Variants in BMPER observed in about 807,000 individuals in gnomAD.
The protein encoded by BMPER is BMP-binding endothelial regulator protein.
Under a neutral mutation model 87.3 loss-of-function variants are expected in BMPER, and 45 were observed. That is an observed-to-expected ratio of 0.52 (90% CI 0.41 to 0.66). BMPER has a LOEUF of 0.66. Ranked by LOEUF, BMPER falls within the 30% of genes least tolerant of loss-of-function variation. The pLI is 0.00. For synonymous variants in BMPER, 326 were observed against 316.2 expected (o/e 1.03, Z -0.33); for missense variants, 784 against 867.5 (o/e 0.90, Z 1.21).
intron 13 of BMPER, among the ~76,000 whole-genome samples, chr7:34,105,655 A>G (rs571831650): frequency 6.6e-6 from 1 of 152,334 alleles, no homozygotes; most frequent in South Asian, 2.1e-4. Context: ...AGACAGTTTA[A>G]TGTACAAGTG....
intron 13 of BMPER, among the ~76,000 whole-genome samples, chr7:34,135,270 G>T (rs186717027): frequency 6.6e-6 from 1 of 152,126 alleles, no homozygotes; most frequent in East Asian, 1.9e-4. Context: ...TTGACAAGCC[G>T]GGAAGCAAGC....
chr7:34,078,765 AAGGCTTCCCCTTACCC>A, intron 11 of BMPER, 76 bp from the exon 12 acceptor site: 1 of 1,349,358 alleles, frequency 7.4e-7, no homozygotes, highest in Non-Finnish European at 1.1e-6. Context: ...CATTTCTGCT[AAGGCTTCCCCTTACCC>A]AGCAGGTGCC....
chr7:34,072,731 G>A (rs1209378075), intron 11 of BMPER, among the ~76,000 whole-genome samples: 2 of 152,158 alleles, frequency 1.3e-5, no homozygotes, highest in Non-Finnish European at 2.9e-5. Flanking sequence ...GGACATGTTT[G>A]GGGGTCCATT....
chr7:33,905,203 T>G (rs960916119), upstream of BMPER: 1 of 299,098 alleles, frequency 3.3e-6, no homozygotes, highest in East Asian at 9.6e-5. Flanking sequence ...CCCGAAACAG[T>G]AGCGGCAGCC....
At chr7:33,990,428 G>A (rs1237856023) in intron 6 of BMPER, among the ~76,000 whole-genome samples, 82 of 138,982 alleles carry the variant, frequency 5.9e-4, no homozygotes, top group African/African-American at 2.0e-3. Context: ...TCTGTTGTTG[G>A]TGTGTAAGAA....
rs1054537982 is a variant in BMPER at position 34,124,272 on chromosome 7, T to G, written c.1746-18958T>G. ...CTCAGCTTCCTCTGTGCAGCCAAAG[T>G]GATTTTGAAAATTAATTTTCTTCCA... is the stretch of plus-strand genomic sequence containing the variant. On this transcript the variant is annotated intron_variant, in intron 13 of 14. Transcript: ENST00000649409. Among the ~76,000 whole-genome samples the G allele has an allele frequency of 3.3e-5, 5 of 152,180 alleles. 1 individual carries two copies. The highest frequency in any genetic ancestry group is 1.2e-4 in the African/African-American group (5 of 41,464).
chr7:34,058,258 G>C, intron 10 of BMPER, 95 bp downstream of exon 10: 1 of 1,175,098 alleles, frequency 8.5e-7, no homozygotes, highest in South Asian at 1.3e-5. Flanking sequence ...ACAGACTCCA[G>C]CTCCCCCAAA....
chr7:33,985,226 TTGATA>T (rs1362366386), intron 6 of BMPER, among the ~76,000 whole-genome samples: 4 of 152,254 alleles, frequency 2.6e-5, no homozygotes, highest in African/African-American at 9.6e-5. Flanking sequence ...TTAATATGAT[TTGATA>T]TATTTCCTTC....
In BMPER at chr7:33,921,665, C is replaced by G. The variant is rs1471899367; in HGVS notation, c.219+14762C>G. On this transcript the variant is annotated intron_variant, in intron 2 of 14. Coordinates refer to ENST00000649409, the MANE Select transcript of BMPER (RefSeq NM_001365308.1). ...GCTGACCCGCTGGGCTGCTGCCAGT[C>G]TCTTCATGGGATGGATTCCCACAGG... is the stretch of plus-strand genomic sequence containing the variant. The G allele has an allele frequency of 1.8e-5, 8 of 452,694 alleles. No homozygotes were observed. The Admixed American group carries it at 1.9e-4, about 11-fold the overall frequency. The allele number at this position is 452,694 out of a possible 1,614,324, so 28.0% of individuals were successfully genotyped here. A position where few individuals can be genotyped will look rare whatever the true frequency, so the allele number is the denominator to read the frequency against.
chr7:33,916,865 T>TC (rs71554118), intron 2 of BMPER, among the ~76,000 whole-genome samples: 26,732 of 151,674 alleles, frequency 0.18, 2,977 homozygotes, highest in Middle Eastern at 0.32. Context: ...TTGGGATAGC[T>TC]CCCCCCAGAA....
At position 33,937,277 on chromosome 7, in the gene BMPER, C is replaced by G; in HGVS notation, c.220-12C>G. On this transcript the variant is annotated splice_polypyrimidine_tract_variant and intron_variant, in intron 2 of 14. Transcript: ENST00000649409. The stretch of plus-strand genomic sequence containing the variant: ...TGTCTATTTCAAATCTCTCGTGTCT[C>G]TTTTTGTCTAGAACAAGGAAGTGAC... 2.5e-6 allele frequency: 4 copies of G among 1,612,326 alleles called. No homozygotes were observed. The highest frequency in any genetic ancestry group is 3.4e-6 in the Non-Finnish European group (4 of 1,178,384).
intron 6 of BMPER, among the ~76,000 whole-genome samples, chr7:34,036,606 G>A (rs1458928913): frequency 6.6e-6 from 1 of 152,082 alleles, no homozygotes; most frequent in Non-Finnish European, 1.5e-5. Flanking sequence ...CACAATCTAG[G>A]GGTGCAAATC....
chr7:34,131,624 C>T (rs959223279), intron 13 of BMPER, among the ~76,000 whole-genome samples: 7 of 152,114 alleles, frequency 4.6e-5, no homozygotes, highest in African/African-American at 1.7e-4. Flanking sequence ...GGTGTGGCCT[C>T]CAGATGCTAG....
intron 3 of BMPER, among the ~76,000 whole-genome samples, chr7:33,942,152 G>A (rs1227447454): frequency 7.0e-6 from 1 of 143,534 alleles, no homozygotes; most frequent in Non-Finnish European, 1.5e-5. Flanking sequence ...ATTGTTTCCT[G>A]TTTGTTTGTT....
intron 11 of BMPER, among the ~76,000 whole-genome samples, chr7:34,078,618 G>A (rs1165842327): frequency 1.3e-5 from 2 of 152,090 alleles, no homozygotes; most frequent in Admixed American, 6.5e-5. Context: ...CTACAAAATA[G>A]GCATGCTTTG....
At chr7:34,132,760 G>A (rs1790626913) in intron 13 of BMPER, among the ~76,000 whole-genome samples, 1 of 152,068 alleles carries the variant, frequency 6.6e-6, no homozygotes, top group Non-Finnish European at 1.5e-5. Context: ...CAGAATCACA[G>A]AATATTAGTA....
At chr7:33,938,316 G>A (rs1784661129) in intron 3 of BMPER, among the ~76,000 whole-genome samples, 1 of 152,172 alleles carries the variant, frequency 6.6e-6, no homozygotes. Flanking sequence ...CATCTACTTG[G>A]AAGCTCAGAA....
chr7:33,946,297 G>A (rs781177828), intron 3 of BMPER, among the ~76,000 whole-genome samples: 28 of 152,132 alleles, frequency 1.8e-4, no homozygotes, highest in Non-Finnish European at 4.0e-4. Flanking sequence ...GAGGATTATG[G>A]GCATTACAAT....
At chr7:34,070,706 C>A (rs931564658) in intron 11 of BMPER, among the ~76,000 whole-genome samples, 3 of 151,658 alleles carry the variant, frequency 2.0e-5, no homozygotes, top group Admixed American at 6.6e-5. Flanking sequence ...GTCAAGTAAA[C>A]TTAAATGTGT....
Sources: allele counts gnomAD v4.1 joint callset (sites outside exome capture counted in the v4.1 genomes callset), GRCh38; gene constraint gnomAD v4.1.1; transcripts MANE v1.5; gene names NCBI Gene and HGNC (gene_info 2026-07-23, HGNC 2026-07-21).